Variants in VPS37B observed in about 807,000 individuals in gnomAD.
The protein encoded by VPS37B is vacuolar protein sorting-associated protein 37B.
A neutral mutation model predicts 21.2 loss-of-function variants in VPS37B; 11 were observed. That is an observed-to-expected ratio of 0.52 (90% CI 0.33 to 0.86). The LOEUF (loss-of-function observed/expected upper bound fraction) is 0.86. Ranked by LOEUF, VPS37B falls within the 40% of genes least tolerant of loss-of-function variation. VPS37B has a pLI of 0.03. For missense variants in VPS37B, 389 were observed against 374.8 expected (o/e 1.04, Z -0.31); for synonymous variants, 175 against 159.6 (o/e 1.10, Z -0.73).
intron 1 of VPS37B, chr12:122,888,441 G>T: frequency 2.4e-6 from 1 of 408,956 alleles, no homozygotes; most frequent in Non-Finnish European, 5.0e-6. Flanking sequence ...GAGAACTCTT[G>T]TCTCAGCATG....
chr12:122,891,651 GTAT>G (rs2135713547), intron 1 of VPS37B, among the ~76,000 whole-genome samples: 1 of 152,320 alleles, frequency 6.6e-6, no homozygotes, highest in South Asian at 2.1e-4. Flanking sequence ...AACTCCAGTA[GTAT>G]TATACTCAAG....
At chr12:122,895,856 G>A (rs1446804256) in intron 1 of VPS37B, 96 bp downstream of exon 1, 2 of 1,089,312 alleles carry the variant, frequency 1.8e-6, no homozygotes, top group African/African-American at 1.6e-5. Flanking sequence ...CAACACGACC[G>A]GAGGCGCCGC....
At chr12:122,894,196 T>C (rs1389994386) in intron 1 of VPS37B, among the ~76,000 whole-genome samples, 1 of 152,188 alleles carries the variant, frequency 6.6e-6, no homozygotes, top group Non-Finnish European at 1.5e-5. Flanking sequence ...TAAGCAAAGA[T>C]TTTTTCTTTG....
At position 122,868,522 on chromosome 12, in the gene VPS37B, T is replaced by C. The variant is rs1348300762; in HGVS notation, c.324A>G (p.Ala108=). The C allele has an allele frequency of 6.2e-7, 1 of 1,613,778 alleles. No homozygotes were observed. The highest frequency in any genetic ancestry group is 2.2e-5 in the East Asian group (1 of 44,870). Residue 108 remains alanine, a synonymous_variant, in exon 3 of 4, where the codon GCA becomes GCG. Transcript: ENST00000267202. The surrounding 1 kb of genome is among the most constrained non-coding windows in gnomAD (Gnocchi z 5.5). ...TCTTGGCCCCTTCTGCCTGAAGAAGTGCTAACAGGGTCTCCAAGGAAGCAC... is the reference window on the plus strand; with the variant it reads ...TCTTGGCCCCTTCTGCCTGAAGAAGCGCTAACAGGGTCTCCAAGGAAGCAC... ...SSSASLETLL[A]LLQAEGAKIE... is the part of the protein sequence containing the mutation.
At chr12:122,892,005 T>TGAA (rs3069128) in intron 1 of VPS37B, among the ~76,000 whole-genome samples, 129,299 of 151,894 alleles carry the variant, frequency 0.85, 55,233 homozygotes, top group Admixed American at 0.91. Context: ...GAAAGCACAG[T>TGAA]GAAGTAATTC....
chr12:122,886,523 C>G (rs566175264), intron 1 of VPS37B: 2 of 152,244 alleles, frequency 1.3e-5, no homozygotes, highest in Admixed American at 1.3e-4. Flanking sequence ...TCAGGAGGCT[C>G]GTTTGATGGA....
At chr12:122,888,406 C>T in intron 1 of VPS37B, 1 of 362,726 alleles carries the variant, frequency 2.8e-6, no homozygotes, top group South Asian at 2.0e-5. Flanking sequence ...AAAACTCACA[C>T]AGCTGGGGAA....
chr12:122,889,920 G>A (rs1593925480), intron 1 of VPS37B: 2 of 152,232 alleles, frequency 1.3e-5, no homozygotes, highest in African/African-American at 2.4e-5. Context: ...CTCGCTCGTC[G>A]GACAACCCAT....
chr12:122,882,306 C>T (rs1297544750), intron 1 of VPS37B: 1 of 152,006 alleles, frequency 6.6e-6, no homozygotes, highest in Non-Finnish European at 1.5e-5. Context: ...GTTTTTATCT[C>T]TGATAAAAGG....
chr12:122,886,966 T>C (rs2034338881), intron 1 of VPS37B: 1 of 152,268 alleles, frequency 6.6e-6, no homozygotes, highest in Non-Finnish European at 1.5e-5. Flanking sequence ...CCAATTTTTG[T>C]ACGGCTTTTA....
rs2033881141 is a variant in VPS37B, at chr12:122,865,570, C to G, written c.*1546G>C. On this transcript the variant is annotated 3_prime_UTR_variant, in exon 4 of 4. Transcript: ENST00000267202. ...CACAGAACATGGCAAGCCCGCCTGACTGGCATGGCAGTGAATCGTCCTGTA... is the reference window on the plus strand; with the variant it reads ...CACAGAACATGGCAAGCCCGCCTGAGTGGCATGGCAGTGAATCGTCCTGTA... 6.6e-6 allele frequency: 1 copy of G among 151,510 alleles called. No homozygotes were observed. The highest frequency in any genetic ancestry group is 2.1e-4 in the South Asian group (1 of 4,792). The allele number at this position is 151,510 out of a possible 1,614,324, so 9.4% of individuals were successfully genotyped here. A position where few individuals can be genotyped will look rare whatever the true frequency, so the allele number is the denominator to read the frequency against.
intron 1 of VPS37B, 67 bp from the exon 2 acceptor site, chr12:122,871,128 C>T (rs1022474039): frequency 2.9e-5 from 46 of 1,577,340 alleles, no homozygotes; most frequent in East Asian, 1.6e-4. Flanking sequence ...GAGGTCCCCA[C>T]GCACACCCCA....
intron 1 of VPS37B, among the ~76,000 whole-genome samples, chr12:122,890,717 A>T (rs2034400050): frequency 6.6e-6 from 1 of 152,226 alleles, no homozygotes; most frequent in Admixed American, 6.5e-5. Context: ...AACAGTTGAC[A>T]GTTCAGTGGC....
intron 1 of VPS37B, chr12:122,871,928 C>G (rs960859061): frequency 2.9e-5 from 29 of 985,488 alleles, no homozygotes; most frequent in Non-Finnish European, 3.5e-5. Flanking sequence ...CACAGCCCAG[C>G]CGCCGCCACC....
At chr12:122,883,535 T>A (rs1426251682) in intron 1 of VPS37B, 2 of 152,320 alleles carry the variant, frequency 1.3e-5, no homozygotes, top group Non-Finnish European at 2.9e-5. Flanking sequence ...GTCACCAGGC[T>A]GGAGTGCAGT....
At chr12:122,884,235 C>T (rs2034290766) in intron 1 of VPS37B, 1 of 152,198 alleles carries the variant, frequency 6.6e-6, no homozygotes, top group Non-Finnish European at 1.5e-5. Context: ...AAGGGGTCCA[C>T]TAGAAGTTCT....
Position 122,866,043 on chromosome 12 carries a change from T to A in VPS37B, c.*1073A>T, listed in dbSNP as rs2033892729. ...AGGGGCAGAGGATATTGGCTAAGGG[T>A]AGCCTGGGTCAAGGCGGCCGGACGT... On this transcript the variant is annotated 3_prime_UTR_variant, in exon 4 of 4. Transcript: ENST00000267202. 6.6e-6 allele frequency: 1 copy of A among 152,610 alleles called. No homozygotes were observed. Among genetic ancestry groups the A allele is most frequent in the Admixed American group, 6.5e-5 (1 of 15,286 alleles). The allele number at this position is 152,610 out of a possible 1,614,324, so 9.5% of individuals were successfully genotyped here.
chr12:122,880,849 G>GGA (rs1451840061), intron 1 of VPS37B: 1 of 152,142 alleles, frequency 6.6e-6, no homozygotes, highest in African/African-American at 2.4e-5. Flanking sequence ...CAGGCTCGGG[G>GGA]GAGACACCAT....
rs1157043453 is a variant in VPS37B at position 122,867,949 on chromosome 12, CCT to C, written c.367-344_367-343del. On this transcript the variant is annotated intron_variant, in intron 3 of 3. Coordinates refer to ENST00000267202, the MANE Select transcript of VPS37B (RefSeq NM_024667.3). This position sits in a 1 kb window ranked among gnomAD's most constrained non-coding sequence, Gnocchi z 5.5. ...CCTCCTTGCTTCCACCCGGCTGCAC[CCT>C]GACTGACAGACTCGCCCTGGGTGGG... 3.3e-5 allele frequency among the ~76,000 whole-genome samples: 5 copies of C among 152,214 alleles called. No individual in the cohort carries two copies. Among genetic ancestry groups the C allele is most frequent in the Non-Finnish European group, 7.4e-5 (5 of 68,024 alleles).
Sources: allele counts gnomAD v4.1 joint callset (sites outside exome capture counted in the v4.1 genomes callset), GRCh38; gene constraint gnomAD v4.1.1; non-coding constraint Gnocchi (gnomAD v3.1); transcripts MANE v1.5; gene names NCBI Gene and HGNC (gene_info 2026-07-23, HGNC 2026-07-21).